The following INPP5B variants were observed in gnomAD, a reference collection of about 807,000 sequenced individuals.
The protein encoded by INPP5B is inositol polyphosphate-5-phosphatase B, also known as type II inositol 1,4,5-trisphosphate 5-phosphatase.
INPP5B carries 90 observed loss-of-function variants against 118.5 expected under a neutral mutation model. The ratio of observed to expected loss-of-function variants is 0.76; its 90% CI spans 0.64 to 0.90. The LOEUF (loss-of-function observed/expected upper bound fraction) is 0.90, where lower values mean the gene tolerates loss of function less well. INPP5B is among the 40% of genes least tolerant of loss of function. The pLI is 0.00. For missense variants in INPP5B, 984 were observed against 1,125.6 expected, an observed-to-expected ratio of 0.87 and a Z score of 1.80; for synonymous variants, 385 against 418.9, an observed-to-expected ratio of 0.92 and a Z score of 0.99.
chr1:37,871,278 C>G (rs1211852459), intron 19 of INPP5B, among the ~76,000 whole-genome samples: 1 of 141,576 alleles, frequency 7.1e-6, no homozygotes, highest in Non-Finnish European at 1.5e-5. Context: ...GCCAACATGG[C>G]AAAACCCCGT....
chr1:37,917,329 T>C (rs1319673139), intron 7 of INPP5B, among the ~76,000 whole-genome samples: 5 of 131,520 alleles, frequency 3.8e-5, no homozygotes, highest in African/African-American at 1.4e-4. Context: ...TATATATATA[T>C]ATATATATAT....
chr1:37,883,974 A>C, intron 13 of INPP5B: 10 of 473,698 alleles, frequency 2.1e-5, no homozygotes, highest in Non-Finnish European at 2.8e-5. Context: ...TAAAGAGAAG[A>C]AACAAAAATG....
intron 6 of INPP5B, among the ~76,000 whole-genome samples, chr1:37,936,464 C>T (rs2148677252): frequency 6.6e-6 from 1 of 151,808 alleles, no homozygotes; most frequent in South Asian, 2.1e-4. Flanking sequence ...CTACTATAAA[C>T]ACAAAAATTA....
intron 22 of INPP5B, among the ~76,000 whole-genome samples, chr1:37,865,434 G>C (rs970887416): frequency 9.2e-5 from 14 of 152,166 alleles, no homozygotes; most frequent in African/African-American, 3.4e-4. Context: ...CAAATCAGCA[G>C]AAGGAGATCG....
chr1:37,874,191 C>G (rs376405150), intron 17 of INPP5B, 36 bp from the exon 18 acceptor site: 1 of 1,482,930 alleles, frequency 6.7e-7, no homozygotes, highest in South Asian at 1.4e-5. Flanking sequence ...AAACCAGTGC[C>G]CTTTCCTCAG....
At chr1:37,919,989 T>C (rs991004089) in intron 7 of INPP5B, among the ~76,000 whole-genome samples, 1 of 152,174 alleles carries the variant, frequency 6.6e-6, no homozygotes, top group Non-Finnish European at 1.5e-5. Context: ...TAAGGCTTAC[T>C]ACGTATTGAG....
At chr1:37,885,615 A>G in intron 13 of INPP5B, 23 bp downstream of exon 13, 1 of 1,610,098 alleles carries the variant, frequency 6.2e-7, no homozygotes, top group Non-Finnish European at 8.5e-7. Context: ...GGTGAACCGC[A>G]TGGGGTGGAA....
intron 7 of INPP5B, among the ~76,000 whole-genome samples, chr1:37,926,312 A>T (rs553363596): frequency 7.2e-6 from 1 of 139,718 alleles, no homozygotes; most frequent in East Asian, 2.0e-4. Context: ...TTTTTTTTTG[A>T]GACGGAGTCT....
intron 13 of INPP5B, 55 bp downstream of exon 13, chr1:37,885,583 G>T: frequency 6.6e-7 from 1 of 1,509,162 alleles, no homozygotes; most frequent in Non-Finnish European, 9.1e-7. Flanking sequence ...AAAAGACAGA[G>T]CCCACAACTC....
intron 23 of INPP5B, among the ~76,000 whole-genome samples, 164 bp downstream of exon 23, chr1:37,864,148 G>T (rs1049298982): frequency 6.6e-6 from 1 of 151,910 alleles, no homozygotes; most frequent in Non-Finnish European, 1.5e-5. Context: ...TGTTAGGAGT[G>T]GGGAGGAGTG....
rs368282411 is a variant in INPP5B, at chr1:37,878,276, C to T, written c.1589G>A (p.Gly530Glu). ...GTAACTCAGCTGAGTGATGTTCTTC[C>T]CTTTCCAGAGAATCCGATCACACCA... is the stretch of plus-strand genomic sequence containing the variant. ...PAWCDRILWKGKNITQLSYQS... is the reference protein window; with the variant it reads ...PAWCDRILWKEKNITQLSYQS... Residue 530 changes from glycine (G) to glutamate (E), a missense_variant, in exon 16 of 24, where the codon GGG becomes GAG. Physicochemically the swap from Gly to Glu is moderately conservative, Grantham distance 98. Coordinates refer to ENST00000373024, the MANE Select transcript of INPP5B (RefSeq NM_005540.3). 126 of 1,613,974 alleles carry T rather than the reference C, an allele frequency of 7.8e-5. No homozygotes were observed. The highest frequency in any genetic ancestry group is 9.9e-5 in the Non-Finnish European group (117 of 1,180,026).
At chr1:37,887,641 G>C (rs1457582509) in intron 10 of INPP5B, among the ~76,000 whole-genome samples, 176 bp from the exon 11 acceptor site, 1 of 152,172 alleles carries the variant, frequency 6.6e-6, no homozygotes, top group Non-Finnish European at 1.5e-5. Flanking sequence ...TGCAGGTGCT[G>C]TTGCAAACAA....
Position 37,889,546 on chromosome 1 carries a change from C to CAGTT in INPP5B, c.797+7_797+10dup, listed in dbSNP as rs147517581. ...TCTGCTCTGAAAACATCCTAGAACC[C>CAGTT]AGTTAGCTACCTGAAGTTCTGGATA... On this transcript the variant is annotated intron_variant, in intron 9 of 23. Transcript: ENST00000373024. 9.9e-4 allele frequency: 1,595 copies of CAGTT among 1,606,408 alleles called. 18 individuals are homozygous for CAGTT. The African/African-American group carries it at 0.019, about 19-fold the overall frequency.
chr1:37,919,085 C>A (rs1644967440), intron 7 of INPP5B, among the ~76,000 whole-genome samples: 1 of 152,170 alleles, frequency 6.6e-6, no homozygotes, highest in African/African-American at 2.4e-5. Flanking sequence ...CCCACAGCCT[C>A]CCATTTTGCA....
chr1:37,906,738 T>C (rs1340364362), intron 7 of INPP5B, among the ~76,000 whole-genome samples: 2 of 151,712 alleles, frequency 1.3e-5, no homozygotes, highest in Admixed American at 6.6e-5. Context: ...TGTGTGCCTA[T>C]AATCCCAGAT....
intron 3 of INPP5B, among the ~76,000 whole-genome samples, chr1:37,945,409 G>A (rs1430762361): frequency 6.6e-6 from 1 of 152,066 alleles, no homozygotes; most frequent in Non-Finnish European, 1.5e-5. Context: ...CTCCAGCCTG[G>A]GCAAAGACCA....
At chr1:37,896,760 T>C (rs1251596110) in intron 7 of INPP5B, among the ~76,000 whole-genome samples, 1 of 114,220 alleles carries the variant, frequency 8.8e-6, no homozygotes. Context: ...AGCCGCCCCG[T>C]CCCGGAGGGA....
intron 6 of INPP5B, among the ~76,000 whole-genome samples, chr1:37,938,217 C>T (rs890581593): frequency 4.0e-5 from 6 of 151,300 alleles, no homozygotes; most frequent in Non-Finnish European, 8.8e-5. Context: ...TGCAATGAGC[C>T]GAGATTGCGC....
At position 37,945,845 on chromosome 1, in the gene INPP5B, C is replaced by T. The variant is rs1646091699; in HGVS notation, c.63G>A (p.Val21=). 1 of 1,613,758 alleles carries T rather than the reference C, an allele frequency of 6.2e-7. No individual in the cohort carries two copies. The highest frequency in any genetic ancestry group is 1.3e-5 in the African/African-American group (1 of 74,942). ...TGTCCCCCTCACACAGCACACCTTGCACCGCCTGCGGCTCAGAGTCAAGGG... is the reference window on the plus strand; with the variant it reads ...TGTCCCCCTCACACAGCACACCTTGTACCGCCTGCGGCTCAGAGTCAAGGG... ...LAEGEYCVIA[V]QGVLCEGDSR... is the part of the protein sequence containing the mutation. The change falls in exon 3 of 24, where the codon GTG becomes GTA. Residue 21 remains valine, a synonymous_variant. Coordinates refer to ENST00000373024, the MANE Select transcript of INPP5B (RefSeq NM_005540.3).
Sources: gnomAD v4.1 joint callset for allele counts (sites outside exome capture counted in the v4.1 genomes callset) on GRCh38, gnomAD v4.1.1 for gene constraint, MANE v1.5 for transcripts, NCBI Gene and HGNC (gene_info 2026-07-23, HGNC 2026-07-21) for gene names.